The following PDE10A variants were observed in gnomAD, a reference collection of about 807,000 sequenced individuals.
PDE10A encodes phosphodiesterase 10A.
Under a neutral mutation model 97.7 loss-of-function variants are expected in PDE10A, and 39 were observed. That is an observed-to-expected ratio of 0.40 (90% CI 0.31 to 0.52). The LOEUF (loss-of-function observed/expected upper bound fraction) is 0.52, where lower values mean the gene tolerates loss of function less well. Ranked by LOEUF, PDE10A falls within the 20% of genes least tolerant of loss-of-function variation. PDE10A has a pLI of 0.56. For missense variants in PDE10A, 731 were observed against 1,047.8 expected (o/e 0.70, Z 4.17); for synonymous variants, 371 against 376.8 (o/e 0.98, Z 0.18).
chr6:165,465,975 G>A (rs1425531503), intron 3 of PDE10A, among the ~76,000 whole-genome samples: 2 of 152,128 alleles, frequency 1.3e-5, no homozygotes, highest in African/African-American at 2.4e-5. Flanking sequence ...GGTAGCAGAG[G>A]AACAAGCAGG....
intron 1 of PDE10A, among the ~76,000 whole-genome samples, chr6:165,610,548 A>G (rs1787445124): frequency 6.6e-6 from 1 of 151,580 alleles, no homozygotes; most frequent in South Asian, 2.1e-4. Context: ...AAAAAAAAAA[A>G]AGAAAGAAAT....
At chr6:165,762,335 T>C (rs1254777353) in intron 1 of PDE10A, among the ~76,000 whole-genome samples, 1 of 152,206 alleles carries the variant, frequency 6.6e-6, no homozygotes, top group African/African-American at 2.4e-5. Flanking sequence ...ATACGTGTTG[T>C]CTGAGTGATT....
intron 1 of PDE10A, among the ~76,000 whole-genome samples, chr6:165,717,956 C>T (rs6919646): frequency 0.65 from 98,520 of 152,074 alleles, 32,683 homozygotes; most frequent in African/African-American, 0.78. Flanking sequence ...TTTTTGTGGT[C>T]GTTGAGTTGC....
intron 14 of PDE10A, 110 bp from the exon 15 acceptor site, chr6:165,395,374 C>A (rs34659984): frequency 1.5e-6 from 1 of 666,424 alleles, no homozygotes. Context: ...ACACTGGGAG[C>A]TCAGCCATCC....
At position 165,953,201 on chromosome 6, in the gene PDE10A, C is replaced by G. The variant is rs1583337836; in HGVS notation, c.-615+34328G>C. ...CTAGTTAATAGTACTCCATTCCTAC[C>G]CCTTCCAATATCTGAGGAATTAAAT... On this transcript the variant is annotated intron_variant, in intron 1 of 19. Coordinates refer to the PDE10A transcript ENST00000366882. Among the ~76,000 whole-genome samples the G allele has an allele frequency of 2.0e-5, 3 of 152,232 alleles. No homozygotes were observed. In the East Asian group the frequency reaches 5.8e-4, roughly 29 times the overall value.
intron 1 of PDE10A, among the ~76,000 whole-genome samples, chr6:165,828,829 C>G (rs184346421): frequency 6.6e-6 from 1 of 152,190 alleles, no homozygotes; most frequent in Non-Finnish European, 1.5e-5. Context: ...GCCCTCAAAC[C>G]TCTCCTGACT....
intron 1 of PDE10A, among the ~76,000 whole-genome samples, chr6:165,832,283 T>C (rs1239977681): frequency 6.6e-6 from 1 of 152,162 alleles, no homozygotes; most frequent in African/African-American, 2.4e-5. Flanking sequence ...AGGAACGTTC[T>C]GGAGGAAGGA....
chr6:165,409,541 T>G, intron 13 of PDE10A: 1 of 159,280 alleles, frequency 6.3e-6, no homozygotes, highest in Non-Finnish European at 1.4e-5. Context: ...AGAGTGAAAC[T>G]CCATCTCAGA....
rs3839483 is a variant in PDE10A, at chr6:165,406,228, ATG to A, written c.2076+7271_2076+7272del. Among the ~76,000 whole-genome samples the A allele has an allele frequency of 5.7e-3, 806 of 140,474 alleles. 7 individuals carry two copies. Among genetic ancestry groups the A allele is most frequent in the South Asian group, 0.03 (132 of 4,380 alleles). 92.2% of individuals were successfully genotyped at this position (140,474 alleles called of 152,430 possible). On this transcript the variant is annotated intron_variant, in intron 13 of 21. Coordinates refer to ENST00000539869, the MANE Select transcript of PDE10A (RefSeq NM_001385079.1). ...TTCAAATTCAAGATGAGGGAAAAGGATGTGTGTGTGTGTGTGTGTGTGTGTGT... is the reference window on the plus strand; with the variant it reads ...TTCAAATTCAAGATGAGGGAAAAGGATGTGTGTGTGTGTGTGTGTGTGTGT...
chr6:165,736,463 G>A (rs528578856), intron 1 of PDE10A, among the ~76,000 whole-genome samples: 10 of 152,290 alleles, frequency 6.6e-5, no homozygotes, highest in African/African-American at 2.4e-4. Flanking sequence ...GGAGAGTGAA[G>A]TGAGCACCAA....
chr6:165,462,297 G>C (rs1778371437), intron 3 of PDE10A, among the ~76,000 whole-genome samples: 1 of 152,194 alleles, frequency 6.6e-6, no homozygotes, highest in South Asian at 2.1e-4. Flanking sequence ...ATTGAATCTA[G>C]CATTATTAAC....
intron 1 of PDE10A, chr6:165,576,350 C>T (rs1191366240): frequency 2.6e-6 from 2 of 777,706 alleles, no homozygotes; most frequent in Non-Finnish European, 4.8e-6. Flanking sequence ...TACTAGTTTG[C>T]TTCCTGTCTA....
At chr6:165,664,905 T>C (rs1265161013), upstream of PDE10A, among the ~76,000 whole-genome samples, 1 of 152,232 alleles carries the variant, frequency 6.6e-6, no homozygotes, top group Non-Finnish European at 1.5e-5. Context: ...CAAGAAAATA[T>C]ACATTTAACT....
intron 3 of PDE10A, among the ~76,000 whole-genome samples, chr6:165,467,313 G>T (rs958519663): frequency 1.5e-4 from 23 of 152,180 alleles, no homozygotes; most frequent in African/African-American, 5.5e-4. Context: ...CTAGAGAGTG[G>T]ATTTTCAAAG....
chr6:165,381,491 T>C (rs929849751), intron 17 of PDE10A, among the ~76,000 whole-genome samples: 5 of 152,140 alleles, frequency 3.3e-5, no homozygotes, highest in African/African-American at 1.2e-4. Flanking sequence ...TTTTCTTTCT[T>C]TGAGACAGAG....
intron 1 of PDE10A, among the ~76,000 whole-genome samples, chr6:165,557,605 T>C (rs1784319227): frequency 6.6e-6 from 1 of 150,708 alleles, no homozygotes; most frequent in Admixed American, 6.6e-5. Flanking sequence ...TATATAGGTT[T>C]TCTACATAAA....
intron 1 of PDE10A, among the ~76,000 whole-genome samples, chr6:165,551,127 T>C (rs1032271963): frequency 2.0e-5 from 3 of 152,182 alleles, no homozygotes; most frequent in Non-Finnish European, 4.4e-5. Context: ...TGTGTGTGTG[T>C]TCTCCCCAAC....
rs1013413142 is a variant in PDE10A at position 165,331,980 on chromosome 6, C to T, written c.*1045G>A. On this transcript the variant is annotated 3_prime_UTR_variant, in exon 22 of 22. Transcript: ENST00000539869. ...AGAGATAAGTGAGAGGTGACTGCGG[C>T]AGGTCAGAGTAAAATTACAAAATAC... is the stretch of plus-strand genomic sequence containing the variant. 1.3e-5 allele frequency: 2 copies of T among 152,102 alleles called. No homozygotes were observed. Among genetic ancestry groups the T allele is most frequent in the Non-Finnish European group, 1.5e-5 (1 of 68,024 alleles). 9.4% of individuals were successfully genotyped at this position (152,102 alleles called of 1,614,324 possible). A position where few individuals can be genotyped will look rare whatever the true frequency, so the allele number is the denominator to read the frequency against.
intron 1 of PDE10A, among the ~76,000 whole-genome samples, chr6:165,619,305 T>C (rs1787921010): frequency 6.6e-6 from 1 of 151,940 alleles, no homozygotes; most frequent in South Asian, 2.1e-4. Context: ...TAGTGTAGTG[T>C]AGTGTAGTCT....
Sources: allele counts gnomAD v4.1 joint callset (sites outside exome capture counted in the v4.1 genomes callset), GRCh38; gene constraint gnomAD v4.1.1; transcripts MANE v1.5; gene names NCBI Gene and HGNC (gene_info 2026-07-23, HGNC 2026-07-21).